Variants in NUCB1 observed in about 807,000 individuals in gnomAD.
The protein encoded by NUCB1 is nucleobindin 1, also known as nucleobindin-1.
NUCB1 carries 47 observed loss-of-function variants against 61.2 expected under a neutral mutation model. The observed-to-expected ratio is 0.77, with a 90% CI of 0.61 to 0.98. The LOEUF (loss-of-function observed/expected upper bound fraction) is 0.98. Ranked by LOEUF, NUCB1 falls within the 50% of genes least tolerant of loss-of-function variation. The pLI is 0.00. For missense variants in NUCB1, 583 were observed against 605.3 expected (o/e 0.96, Z 0.39); for synonymous variants, 234 against 243.1 (o/e 0.96, Z 0.35).
In NUCB1 at chr19:48,906,017, G is replaced by A. The variant is rs186907389; in HGVS notation, c.376+132G>A. The A allele has an allele frequency of 1.0e-3, 827 of 829,554 alleles. 7 individuals are homozygous for A. The African/African-American group carries it at 0.011, about 11-fold the overall frequency. 51.4% of individuals were successfully genotyped at this position (829,554 alleles called of 1,614,324 possible). Reference sequence around the variant, plus strand: ...CGCTGCGAAATGTGCTGAAATGTGCGTGGGAGATTGCCCCAGTGTTCCTCC... The same window carrying A: ...CGCTGCGAAATGTGCTGAAATGTGCATGGGAGATTGCCCCAGTGTTCCTCC... On this transcript the variant is annotated intron_variant, in intron 4 of 12. Coordinates refer to ENST00000405315, the MANE Select transcript of NUCB1 (RefSeq NM_006184.6).
intron 4 of NUCB1, among the ~76,000 whole-genome samples, chr19:48,907,461 T>C (rs2037425130): frequency 6.6e-6 from 1 of 151,720 alleles, no homozygotes; most frequent in South Asian, 2.1e-4. Flanking sequence ...TTTTAGTAGA[T>C]ACTTGATTTT....
intron 5 of NUCB1, 91 bp downstream of exon 5, chr19:48,911,343 A>G (rs999936694): frequency 7.5e-5 from 62 of 829,938 alleles, no homozygotes; most frequent in Admixed American, 2.0e-4. Flanking sequence ...CCAGCTCACC[A>G]TTCCTGCTGG....
chr19:48,909,152 C>T (rs566611889), intron 4 of NUCB1, among the ~76,000 whole-genome samples: 16 of 151,996 alleles, frequency 1.1e-4, no homozygotes, highest in African/African-American at 3.1e-4. Context: ...TGCAGATGGC[C>T]GTCTTCTCAC....
In NUCB1 at chr19:48,905,762, C is replaced by T. The variant is rs1009566498; in HGVS notation, c.253C>T (p.Leu85=). ...ANAEDIKSGK[L]SRELDFVSHH... ...TCTCCTCTCCTGTCAGAGCGGGAAG[C>T]TGAGCCGAGAGCTGGACTTTGTCAG... The change falls in exon 4 of 13, where the codon CTG becomes TTG. Residue 85 remains leucine, a synonymous_variant. Coordinates refer to ENST00000405315, the MANE Select transcript of NUCB1 (RefSeq NM_006184.6). The T allele has an allele frequency of 3.1e-6, 5 of 1,613,968 alleles. No individual in the cohort carries two copies. The African/African-American group carries it at 6.7e-5, about 22-fold the overall frequency.
At position 48,904,346 on chromosome 19, in the gene NUCB1, G is replaced by A; in HGVS notation, c.136-1G>A. On this transcript the variant is annotated splice_acceptor_variant, in intron 2 of 12. Coordinates refer to ENST00000405315, the MANE Select transcript of NUCB1 (RefSeq NM_006184.6). LOFTEE classifies it high-confidence loss of function. The stretch of plus-strand genomic sequence containing the variant: ...TGCTATGTCTGTCCTTGTTGCCTCA[G>A]GACACAGGCCTGTACTACCACCGGT... 6.2e-7 allele frequency: 1 copy of A among 1,607,818 alleles called. No individual in the cohort carries two copies. The highest frequency in any genetic ancestry group is 2.2e-5 in the East Asian group (1 of 44,826).
intron 5 of NUCB1, 123 bp from the exon 6 acceptor site, chr19:48,912,888 A>C (rs2037491985): frequency 1.8e-6 from 1 of 569,016 alleles, no homozygotes; most frequent in East Asian, 3.0e-5. Context: ...GAGACGTAAG[A>C]AAGACAGGTA....
At chr19:48,904,290 T>C in intron 2 of NUCB1, 57 bp from the exon 3 acceptor site, 1 of 1,148,010 alleles carries the variant, frequency 8.7e-7, no homozygotes. Flanking sequence ...GTAACAGGAG[T>C]GAGGGTGGGG....
chr19:48,901,112 T>G, intron 2 of NUCB1, 181 bp downstream of exon 2: 3 of 590,514 alleles, frequency 5.1e-6, no homozygotes, highest in Non-Finnish European at 8.9e-6. Flanking sequence ...TGGAGGTCCC[T>G]GACTCTGAGG....
At chr19:48,921,034 A>G (rs1600069709) in intron 10 of NUCB1, 120 bp from the exon 11 acceptor site, 1 of 1,107,976 alleles carries the variant, frequency 9.0e-7, no homozygotes, top group South Asian at 1.7e-5. Flanking sequence ...TTCTTTGCCC[A>G]CCCACATGGC....
At chr19:48,914,277 G>T (rs533183409) in intron 7 of NUCB1, among the ~76,000 whole-genome samples, 3 of 151,614 alleles carry the variant, frequency 2.0e-5, no homozygotes, top group Non-Finnish European at 4.4e-5. Flanking sequence ...GCCCGGCCTC[G>T]AAAGCCCTTT....
chr19:48,913,206 C>T lies in NUCB1; in HGVS notation c.666+10C>T, dbSNP rs1223695508. On this transcript the variant is annotated intron_variant, in intron 6 of 12. Transcript: ENST00000405315. ...TAAAGTCAACGTGCCTGTGAGGACC[C>T]CATTTGTGCCCATCCACTCCCTACC... The T allele has an allele frequency of 1.4e-5, 23 of 1,602,634 alleles. No individual in the cohort carries two copies. Among genetic ancestry groups the T allele is most frequent in the Non-Finnish European group, 1.9e-5 (22 of 1,174,746 alleles).
Position 48,915,755 on chromosome 19 carries a change from C to T in NUCB1, c.757+2191C>T, listed in dbSNP as rs140265244. 2.9e-3 allele frequency among the ~76,000 whole-genome samples: 440 copies of T among 151,962 alleles called. 1 individual carries two copies. Among genetic ancestry groups the T allele is most frequent in the African/African-American group, 0.01 (421 of 41,456 alleles). ...TGCTCAAGCGATCCACCTATCTTGG[C>T]CTCCCGAAGTGCTGGGGTTACAAGC... On this transcript the variant is annotated intron_variant, in intron 7 of 12. Transcript: ENST00000405315.
intron 4 of NUCB1, chr19:48,910,811 C>T (rs1255342686): frequency 4.9e-6 from 1 of 204,292 alleles, no homozygotes; most frequent in Non-Finnish European, 1.0e-5. Flanking sequence ...CTCAAGGGGT[C>T]TCAGTTTTCA....
chr19:48,908,471 T>A (rs2037435074), intron 4 of NUCB1, among the ~76,000 whole-genome samples: 1 of 152,166 alleles, frequency 6.6e-6, no homozygotes, highest in Non-Finnish European at 1.5e-5. Flanking sequence ...TCCTGCTGTG[T>A]CCATAGCGGC....
chr19:48,916,172 G>A (rs540148053), intron 7 of NUCB1, among the ~76,000 whole-genome samples: 17 of 89,388 alleles, frequency 1.9e-4, no homozygotes, highest in South Asian at 5.5e-4. Context: ...GGTATTTGTC[G>A]TGTGTGTGTG....
Position 48,908,721 on chromosome 19 carries a change from G to GGTGGGTGTGTGTGT in NUCB1, c.377-2425_377-2424insGGTGTGTGTGTGTG, listed in dbSNP as rs780595245. Among the ~76,000 whole-genome samples the GGTGGGTGTGTGTGT allele has an allele frequency of 2.4e-4, 26 of 109,368 alleles. 1 individual carries two copies. In the East Asian group the frequency reaches 2.5e-3, roughly 11 times the overall value. 71.7% of individuals were successfully genotyped at this position (109,368 alleles called of 152,430 possible). On this transcript the variant is annotated intron_variant, in intron 4 of 12. Transcript: ENST00000405315. ...TGTCTTTCTGCCCACTTGACCAAGG[G>GGTGGGTGTGTGTGT]GTGTGTGTGTGTGTGTGTGTGTGTG...
At chr19:48,906,454 C>T (rs1026779302) in intron 4 of NUCB1, among the ~76,000 whole-genome samples, 1 of 151,238 alleles carries the variant, frequency 6.6e-6, no homozygotes, top group Admixed American at 6.6e-5. Flanking sequence ...AGGCCGGGTG[C>T]AGTGGCTCAC....
Position 48,911,176 on chromosome 19 carries a change from T to C in NUCB1, c.404T>C (p.Leu135Pro). 1 of 1,613,616 alleles carries C rather than the reference T, an allele frequency of 6.2e-7. No homozygotes were observed. Among genetic ancestry groups the C allele is most frequent in the Non-Finnish European group, 8.5e-7 (1 of 1,179,682 alleles). The change falls in exon 5 of 13, where the codon CTG (leucine) becomes CCG (proline). Residue 135 changes from leucine (L) to proline (P), a missense_variant. Coordinates refer to ENST00000405315, the MANE Select transcript of NUCB1 (RefSeq NM_006184.6). ...PNVQVDHLNL[L>P]KQFEHLDPQN... is the part of the protein sequence containing the mutation. ...GTACAGGTGGATCATCTGAATCTCCTGAAACAGTTTGAACACCTGGACCCT... is the reference window on the plus strand; with the variant it reads ...GTACAGGTGGATCATCTGAATCTCCCGAAACAGTTTGAACACCTGGACCCT...
chr19:48,912,051 G>A (rs139011224), intron 5 of NUCB1, among the ~76,000 whole-genome samples: 19 of 132,660 alleles, frequency 1.4e-4, no homozygotes, highest in African/African-American at 4.6e-4. Flanking sequence ...CTGAGACAGC[G>A]TCTTGCTCTG....
Sources: allele counts gnomAD v4.1 joint callset (sites outside exome capture counted in the v4.1 genomes callset), GRCh38; gene constraint gnomAD v4.1.1; transcripts MANE v1.5; gene names NCBI Gene and HGNC (gene_info 2026-07-23, HGNC 2026-07-21).